PCDHGA5: variants seen among roughly 807,000 people sequenced by gnomAD.
PCDHGA5 encodes protocadherin gamma subfamily A, 5, also known as protocadherin gamma-A5.
In PCDHGA5, 36 loss-of-function variants were observed where a neutral mutation model predicts 56.7. That is an observed-to-expected ratio of 0.64 (90% CI 0.49 to 0.84). The LOEUF (loss-of-function observed/expected upper bound fraction) is 0.84, where lower values mean the gene tolerates loss of function less well. Ranked by LOEUF, PCDHGA5 falls within the 40% of genes least tolerant of loss-of-function variation. The probability of loss-of-function intolerance (pLI) is 0.00; values close to 1 mark genes in which losing one functional copy is unlikely to be tolerated. For missense variants in PCDHGA5, 1,305 were observed against 1,201.5 expected (o/e 1.09, Z -1.27); for synonymous variants, 563 against 520.2 (o/e 1.08, Z -1.12).
intron 1 of PCDHGA5, chr5:141,429,167 TATAC>T (rs1240034860): frequency 7.3e-6 from 1 of 136,106 alleles, no homozygotes; most frequent in African/African-American, 2.9e-5. Flanking sequence ...AGACATTGTT[TATAC>T]ACACACACAC....
chr5:141,396,943 G>A (rs1388753275), intron 1 of PCDHGA5, among the ~76,000 whole-genome samples: 6 of 152,178 alleles, frequency 3.9e-5, no homozygotes, highest in African/African-American at 1.2e-4. Flanking sequence ...TGCCCTGGTA[G>A]GAAAGAAAAT....
intron 1 of PCDHGA5, chr5:141,372,601 T>A: frequency 7.4e-6 from 12 of 1,614,028 alleles, no homozygotes; most frequent in Non-Finnish European, 1.0e-5. Context: ...TTCAAGACTG[T>A]ACCTGGAGTT....
intron 1 of PCDHGA5, chr5:141,384,055 A>G (rs764578426): frequency 7.5e-6 from 12 of 1,610,418 alleles, no homozygotes; most frequent in Non-Finnish European, 1.0e-5. Context: ...GACCTGCACC[A>G]TTCCAGAAAA....
rs1384424498 is a variant in PCDHGA5, at chr5:141,431,677, G to A, written c.2422-63130G>A. On this transcript the variant is annotated intron_variant, in intron 1 of 3. Coordinates refer to ENST00000518069, the MANE Select transcript of PCDHGA5 (RefSeq NM_018918.3). This position sits in a 1 kb window ranked among gnomAD's most constrained non-coding sequence, Gnocchi z 4.8. The stretch of plus-strand genomic sequence containing the variant: ...CAGGGACAATATCAACAATAGGGGA[G>A]TTGGACCACGAGGAGTCAGGATTCT... 2 of 1,614,236 alleles carry A rather than the reference G, an allele frequency of 1.2e-6. No homozygotes were observed. The highest frequency in any genetic ancestry group is 1.7e-6 in the Non-Finnish European group (2 of 1,180,050).
Position 141,490,820 on chromosome 5 carries a change from T to G in PCDHGA5, c.2422-3987T>G. On this transcript the variant is annotated intron_variant, in intron 1 of 3. Transcript: ENST00000518069. The surrounding 1 kb of genome is among the most constrained non-coding windows in gnomAD (Gnocchi z 5.4). ...CAGCGTACCTTTGACTATGAATTGC[T>G]GCAGATGCTGCAGATTGTGGTGGGG... 6.2e-7 allele frequency: 1 copy of G among 1,613,820 alleles called. No homozygotes were observed. Among genetic ancestry groups the G allele is most frequent in the Non-Finnish European group, 8.5e-7 (1 of 1,179,768 alleles).
At chr5:141,395,578 G>A (rs2093281923) in intron 1 of PCDHGA5, 1 of 227,714 alleles carries the variant, frequency 4.4e-6, no homozygotes, top group East Asian at 9.3e-5. Flanking sequence ...GTGTGTGTGT[G>A]TGTGTGTGTG....
chr5:141,372,349 A>G lies in PCDHGA5; in HGVS notation c.2421+5598A>G, dbSNP rs373267938. ...GTCACTGTGCGTGATGGAGGACAGCAGCCTCTTTCAGCCACCGTCATGCTG... is the reference window on the plus strand; with the variant it reads ...GTCACTGTGCGTGATGGAGGACAGCGGCCTCTTTCAGCCACCGTCATGCTG... On this transcript the variant is annotated intron_variant, in intron 1 of 3. Transcript: ENST00000518069. 1.1e-5 allele frequency: 18 copies of G among 1,613,786 alleles called. No individual in the cohort carries two copies. The African/African-American group carries it at 2.4e-4, about 22-fold the overall frequency.
At chr5:141,416,119 T>G (rs930613185) in intron 1 of PCDHGA5, 1 of 155,364 alleles carries the variant, frequency 6.4e-6, no homozygotes, top group Admixed American at 6.5e-5. Flanking sequence ...AACTACATTT[T>G]ATATATTTTT....
Position 141,365,046 on chromosome 5 carries a change from C to G in PCDHGA5, c.716C>G (p.Ala239Gly), listed in dbSNP as rs753242901. 6.2e-7 allele frequency: 1 copy of G among 1,613,884 alleles called. No individual in the cohort carries two copies. The highest frequency in any genetic ancestry group is 1.1e-5 in the South Asian group (1 of 91,086). Residue 239 changes from alanine (A) to glycine (G), a missense_variant, in exon 1 of 4, where the codon GCG (alanine) becomes GGG (glycine). Coordinates refer to ENST00000518069, the MANE Select transcript of PCDHGA5 (RefSeq NM_018918.3). ...RVTVLDANDN[A>G]PLFTPSEYSV... ...ACGGTCCTCGACGCAAACGACAATG[C>G]GCCCCTGTTCACCCCATCCGAGTAC...
chr5:141,478,381 C>T (rs931860600), intron 1 of PCDHGA5: 22 of 1,613,664 alleles, frequency 1.4e-5, no homozygotes, highest in Non-Finnish European at 1.8e-5. Flanking sequence ...TGTCGCCGCA[C>T]CTTTACCATC....
intron 1 of PCDHGA5, among the ~76,000 whole-genome samples, chr5:141,402,165 T>A (rs1200714000): frequency 6.6e-6 from 1 of 152,164 alleles, no homozygotes; most frequent in Non-Finnish European, 1.5e-5. Context: ...GGCGAGAACA[T>A]CTGTAACTAT....
intron 1 of PCDHGA5, chr5:141,392,939 C>T (rs1425022179): frequency 1.2e-6 from 2 of 1,613,830 alleles, no homozygotes; most frequent in Non-Finnish European, 1.7e-6. Context: ...CGGACAAAGG[C>T]TCCTTCGTGG....
chr5:141,372,289 T>C (rs1170089924), intron 1 of PCDHGA5: 1 of 1,613,228 alleles, frequency 6.2e-7, no homozygotes, highest in African/African-American at 1.3e-5. Flanking sequence ...GCGCGTACCT[T>C]GGGCGACAGG....
intron 1 of PCDHGA5, chr5:141,383,820 A>C: frequency 6.2e-7 from 1 of 1,613,924 alleles, no homozygotes; most frequent in Non-Finnish European, 8.5e-7. Flanking sequence ...TAGAAGGATT[A>C]GATTATGAAG....
At chr5:141,450,006 CTTTTTTT>C (rs1554136305) in intron 1 of PCDHGA5, among the ~76,000 whole-genome samples, 12 of 132,986 alleles carry the variant, frequency 9.0e-5, no homozygotes, top group Non-Finnish European at 1.7e-4. Context: ...TGCCATGTCT[CTTTTTTT>C]TTTTTTTTTT....
At chr5:141,421,065 A>C in intron 1 of PCDHGA5, 1 of 591,556 alleles carries the variant, frequency 1.7e-6, no homozygotes. Flanking sequence ...CACAAAGCGG[A>C]ATGAGATGGA....
intron 1 of PCDHGA5, chr5:141,375,369 C>T (rs759826011): frequency 6.2e-7 from 1 of 1,613,892 alleles, no homozygotes; most frequent in South Asian, 1.1e-5. Flanking sequence ...GACAAAGGAA[C>T]ACCACCTCTG....
chr5:141,489,732 C>CA lies in PCDHGA5; in HGVS notation c.2422-5073dup, dbSNP rs770971020. On this transcript the variant is annotated intron_variant, in intron 1 of 3. Transcript: ENST00000518069. This position sits in a 1 kb window ranked among gnomAD's most constrained non-coding sequence, Gnocchi z 4.5. ...GTGCCCAGGATCCGGATGTGGGCAC[C>CA]AATACTGTGAGCTTTTACACTCTAA... 4.3e-6 allele frequency: 7 copies of CA among 1,614,008 alleles called. No individual in the cohort carries two copies. Among genetic ancestry groups the CA allele is most frequent in the Non-Finnish European group, 5.9e-6 (7 of 1,180,002 alleles).
intron 1 of PCDHGA5, chr5:141,390,073 G>C: frequency 6.2e-7 from 1 of 1,614,074 alleles, no homozygotes; most frequent in Non-Finnish European, 8.5e-7. Context: ...CCTGGTCTCT[G>C]TGTTAAATCC....
Sources: allele counts gnomAD v4.1 joint callset (sites outside exome capture counted in the v4.1 genomes callset), GRCh38; gene constraint gnomAD v4.1.1; non-coding constraint Gnocchi (gnomAD v3.1); transcripts MANE v1.5; gene names NCBI Gene and HGNC (gene_info 2026-07-23, HGNC 2026-07-21).